Variants in SCHIP1 observed in about 807,000 individuals in gnomAD.
SCHIP1 encodes schwannomin interacting protein 1, also known as schwannomin-interacting protein 1.
A neutral mutation model predicts 29.7 loss-of-function variants in SCHIP1; 8 were observed. The ratio of observed to expected loss-of-function variants is 0.27; its 90% CI spans 0.16 to 0.49. SCHIP1 has a LOEUF of 0.49. SCHIP1 is among the 20% of genes least tolerant of loss of function. The probability of loss-of-function intolerance (pLI) is 0.99; values close to 1 mark genes in which losing one functional copy is unlikely to be tolerated. For missense variants in SCHIP1, 193 were observed against 294.6 expected (o/e 0.66, Z 2.52); for synonymous variants, 76 against 94.9 (o/e 0.80, Z 1.16).
At chr3:159,827,823 A>G in the SCHIP1 span, among the ~76,000 whole-genome samples, 1 of 151,974 alleles carries the variant, frequency 6.6e-6, no homozygotes, top group Non-Finnish European at 1.5e-5. Flanking sequence ...AAAAAAAAAA[A>G]AAAGAAAATA....
At chr3:159,704,888 CTT>C in the SCHIP1 span, among the ~76,000 whole-genome samples, 1 of 76,992 alleles carries the variant, frequency 1.3e-5, no homozygotes, top group East Asian at 4.4e-4. Context: ...TTCTTTCTTT[CTT>C]TCTTTCTTTC....
chr3:159,844,706 C>T (rs1036895762), intron 1 of SCHIP1, among the ~76,000 whole-genome samples: 4 of 152,196 alleles, frequency 2.6e-5, no homozygotes, highest in East Asian at 3.8e-4. Flanking sequence ...GTCGAAGGGT[C>T]CATTTTGCTT....
the SCHIP1 span, among the ~76,000 whole-genome samples, chr3:159,397,755 A>T: frequency 6.6e-6 from 1 of 152,286 alleles, no homozygotes; most frequent in Non-Finnish European, 1.5e-5. Context: ...AAGTCTACAG[A>T]GGTTACTGCT....
At chr3:159,439,318 C>T in the SCHIP1 span, among the ~76,000 whole-genome samples, 1 of 152,108 alleles carries the variant, frequency 6.6e-6, no homozygotes, top group Non-Finnish European at 1.5e-5. Context: ...CTTCAGAAAA[C>T]TTACAATCAT....
chr3:159,642,316 C>T, the SCHIP1 span, among the ~76,000 whole-genome samples: 1 of 151,944 alleles, frequency 6.6e-6, no homozygotes, highest in Non-Finnish European at 1.5e-5. Flanking sequence ...ACCCTATTAT[C>T]CAGTCCAAAT....
intron 1 of SCHIP1, among the ~76,000 whole-genome samples, chr3:159,843,816 C>CT (rs1667616103): frequency 9.5e-6 from 1 of 105,014 alleles, no homozygotes; most frequent in South Asian, 2.9e-4. Context: ...GAGCAAGACT[C>CT]TGTCTCAAAA....
chr3:159,626,196 A>ATC, the SCHIP1 span, among the ~76,000 whole-genome samples: 2 of 123,924 alleles, frequency 1.6e-5, no homozygotes, highest in African/African-American at 9.2e-5. Flanking sequence ...AGATAGATAG[A>ATC]TAGATAGATA....
chr3:159,897,265 T>G (rs1718131636), exon 7 of SCHIP1: 1 of 152,744 alleles, frequency 6.5e-6, no homozygotes, highest in Non-Finnish European at 1.5e-5. Context: ...CTGAAGTTCC[T>G]TTTTAGATGT....
the SCHIP1 span, among the ~76,000 whole-genome samples, chr3:159,278,927 C>T: frequency 6.6e-6 from 1 of 152,090 alleles, no homozygotes; most frequent in Non-Finnish European, 1.5e-5. Flanking sequence ...GGAGCTATGC[C>T]ATCTTCAACA....
the SCHIP1 span, among the ~76,000 whole-genome samples, chr3:159,544,383 A>T: frequency 5.9e-5 from 9 of 152,030 alleles, no homozygotes; most frequent in Non-Finnish European, 1.2e-4. Context: ...CTAGGAGTGG[A>T]GAAGTGGAAC....
chr3:159,697,176 CAGAAATGT>C, the SCHIP1 span, among the ~76,000 whole-genome samples: 1 of 152,068 alleles, frequency 6.6e-6, no homozygotes, highest in South Asian at 2.1e-4. Context: ...AGTAGGAAAG[CAGAAATGT>C]AGACAAACTT....
the SCHIP1 span, among the ~76,000 whole-genome samples, chr3:159,355,547 T>C: frequency 7.6e-4 from 116 of 152,330 alleles, 1 homozygote; most frequent in East Asian, 0.02. Context: ...ATGCATGAAA[T>C]AGAAACTTGA....
At chr3:159,322,502 C>T in the SCHIP1 span, among the ~76,000 whole-genome samples, 2 of 152,176 alleles carry the variant, frequency 1.3e-5, no homozygotes, top group Non-Finnish European at 2.9e-5. Flanking sequence ...ACCCAGAGTG[C>T]TGAATGCCAC....
the SCHIP1 span, among the ~76,000 whole-genome samples, chr3:159,366,201 G>A: frequency 5.9e-5 from 9 of 151,872 alleles, no homozygotes; most frequent in Non-Finnish European, 1.5e-5. Context: ...GCTGGGAGGC[G>A]CCACACACTT....
upstream of SCHIP1, among the ~76,000 whole-genome samples, chr3:159,838,920 A>G (rs1287324813): frequency 6.6e-6 from 1 of 151,324 alleles, no homozygotes; most frequent in East Asian, 1.9e-4. Flanking sequence ...AAAAAAAGCT[A>G]AAAAAGAAAA....
the SCHIP1 span, among the ~76,000 whole-genome samples, chr3:159,582,817 C>CACACACAA: frequency 6.6e-6 from 1 of 151,240 alleles, no homozygotes; most frequent in African/African-American, 2.4e-5. Flanking sequence ...CACACACACA[C>CACACACAA]ACATTCAAAA....
At chr3:159,626,344 T>A in the SCHIP1 span, among the ~76,000 whole-genome samples, 1 of 150,588 alleles carries the variant, frequency 6.6e-6, no homozygotes, top group Non-Finnish European at 1.5e-5. Flanking sequence ...AGGAAGCAAG[T>A]TATTTACTTT....
At chr3:159,828,022 T>C in the SCHIP1 span, among the ~76,000 whole-genome samples, 2 of 151,438 alleles carry the variant, frequency 1.3e-5, no homozygotes, top group African/African-American at 4.9e-5. Flanking sequence ...GAAATCTAAT[T>C]TTTTTTTGTT....
At chr3:159,725,271 CTTTTTT>C in the SCHIP1 span, among the ~76,000 whole-genome samples, 3 of 137,000 alleles carry the variant, frequency 2.2e-5, no homozygotes, top group Admixed American at 1.5e-4. Context: ...TTTCTTTTTT[CTTTTTT>C]TTTTTTTTTT....
Sources: gnomAD v4.1 joint callset for allele counts (sites outside exome capture counted in the v4.1 genomes callset) on GRCh38, gnomAD v4.1.1 for gene constraint, MANE v1.5 for transcripts, NCBI Gene and HGNC (gene_info 2026-07-23, HGNC 2026-07-21) for gene names.